The following HNF1A variants were observed in gnomAD, a reference collection of about 807,000 sequenced individuals.
The protein encoded by HNF1A is hepatocyte nuclear factor 1-alpha.
HNF1A carries 21 observed loss-of-function variants against 62.2 expected under a neutral mutation model. The ratio of observed to expected loss-of-function variants is 0.34; its 90% CI spans 0.24 to 0.49. HNF1A has a LOEUF of 0.49. Among genes scored for constraint, HNF1A ranks in the 20% least tolerant of loss-of-function variants. The pLI is 0.99. For synonymous variants in HNF1A, 374 were observed against 366.8 expected (o/e 1.02, Z -0.22); for missense variants, 687 against 832.3 (o/e 0.83, Z 2.15).
At chr12:120,994,428 G>C (rs202219857) in intron 4 of HNF1A, 23 bp downstream of exon 4, 1 of 1,574,276 alleles carries the variant, frequency 6.4e-7, no homozygotes, top group Non-Finnish European at 8.6e-7. Context: ...TGGGGACAAG[G>C]GACACGTGGG....
chr12:121,001,060 T>C lies in HNF1A; in HGVS notation c.1769-5T>C, dbSNP rs776261019. On this transcript the variant is annotated splice_region_variant and splice_polypyrimidine_tract_variant and intron_variant, in intron 9 of 9. Coordinates refer to ENST00000257555, the MANE Select transcript of HNF1A (RefSeq NM_000545.8). ...GGTGGCTAGCAGCCTTGTTTGCCTC[T>C]GCAGTGTCCTCCAGCAGCCTGGTGC... 1.9e-6 allele frequency: 3 copies of C among 1,613,148 alleles called. No homozygotes were observed. The Admixed American group carries it at 5.0e-5, about 27-fold the overall frequency.
chr12:120,982,141 C>T (rs1277395696), intron 1 of HNF1A, among the ~76,000 whole-genome samples: 1 of 152,182 alleles, frequency 6.6e-6, no homozygotes, highest in Non-Finnish European at 1.5e-5. Flanking sequence ...GCGATCTCGG[C>T]TCACTGCAAG....
rs762757333 is a variant in HNF1A at position 120,996,639 on chromosome 12, C to T, written c.1206C>T (p.Asn402=). 69 of 1,613,966 alleles carry T rather than the reference C, an allele frequency of 4.3e-5. 2 individuals carry two copies. In the South Asian group the frequency reaches 7.2e-4, roughly 17 times the overall value. Reference sequence around the variant, plus strand: ...CAGGCCTCAACCAGCAGCCCCAGAACCTCATCATGGCCTCACTTCCTGGGG... The same window carrying T: ...CAGGCCTCAACCAGCAGCCCCAGAATCTCATCATGGCCTCACTTCCTGGGG... ...TSPGLNQQPQ[N]LIMASLPGVM... The change falls in exon 6 of 10, where the codon AAC becomes AAT. Residue 402 remains asparagine, a synonymous_variant. Transcript: ENST00000257555. This position sits in a 1 kb window ranked among gnomAD's most constrained non-coding sequence, Gnocchi z 4.5.
intron 6 of HNF1A, chr12:120,997,086 T>C (rs1419569279): frequency 7.8e-6 from 11 of 1,407,512 alleles, no homozygotes; most frequent in Non-Finnish European, 1.0e-5. Flanking sequence ...CAGAAAGCCC[T>C]TATTTGCAGG....
At position 120,978,984 on chromosome 12, in the gene HNF1A, C is replaced by A; in HGVS notation, c.216C>A (p.Asp72Glu). The A allele has an allele frequency of 6.2e-7, 1 of 1,608,028 alleles. No individual in the cohort carries two copies. The highest frequency in any genetic ancestry group is 8.5e-7 in the Non-Finnish European group (1 of 1,177,434). ...TGGGGGAGACTCGGGGCTCCGAGGA[C>A]GAGACGGACGACGATGGGGAAGACT... is the stretch of plus-strand genomic sequence containing the variant. ...NGLGETRGSE[D>E]ETDDDGEDFT... Residue 72 changes from aspartate to glutamate, a missense_variant, in exon 1 of 10, where the codon GAC becomes GAA. Around this residue, in one of 5 missense-constraint regions of HNF1A, gnomAD observed 159 missense variants for 154.4 expected, o/e 1.03. Coordinates refer to ENST00000257555, the MANE Select transcript of HNF1A (RefSeq NM_000545.8).
At position 120,997,642 on chromosome 12, in the gene HNF1A, T is replaced by C. The variant is rs1002380887; in HGVS notation, c.1478T>C (p.Met493Thr). 2.5e-6 allele frequency: 4 copies of C among 1,612,588 alleles called. No individual in the cohort carries two copies. Among genetic ancestry groups the C allele is most frequent in the African/African-American group, 2.7e-5 (2 of 75,046 alleles). ...ACCCAGAGCCCCTTCATGGCCACCA[T>C]GGCTCAGCTGCAGAGCCCCCACGGT... Reference protein sequence around the residue: ...HVTQSPFMATMAQLQSPHALY... With the variant: ...HVTQSPFMATTAQLQSPHALY... Residue 493 changes from methionine to threonine, a missense_variant, in exon 7 of 10, where the codon ATG becomes ACG. This residue lies in a region of HNF1A where 408 missense variants were observed against 455.3 expected (regional missense o/e 0.90). Transcript: ENST00000257555.
intron 9 of HNF1A, chr12:121,000,728 A>C: frequency 2.6e-6 from 1 of 386,882 alleles, no homozygotes; most frequent in Non-Finnish European, 5.0e-6. Flanking sequence ...CATTAACCAC[A>C]TCTACAAAGC....
intron 2 of HNF1A, 52 bp from the exon 3 acceptor site, chr12:120,993,468 G>T (rs1050611920): frequency 3.8e-6 from 6 of 1,569,872 alleles, no homozygotes; most frequent in Non-Finnish European, 5.3e-6. Flanking sequence ...GGGAATGGAC[G>T]TGGGAAGGTG....
intron 2 of HNF1A, among the ~76,000 whole-genome samples, chr12:120,992,554 A>T (rs923756277): frequency 3.3e-5 from 5 of 152,218 alleles, no homozygotes; most frequent in Non-Finnish European, 5.9e-5. Flanking sequence ...GAAGTCTAAC[A>T]TAAAAAGTGC....
chr12:120,993,718 G>C lies in HNF1A; in HGVS notation c.713+12G>C, dbSNP rs575473918. 6.2e-7 allele frequency: 1 copy of C among 1,613,224 alleles called. No homozygotes were observed. The highest frequency in any genetic ancestry group is 1.1e-5 in the South Asian group (1 of 91,008). ...GAGGAGTGCAATAGGTACAACGGCG[G>C]GCGGGAAACAGTGCTGGTTTGGTCT... is the stretch of plus-strand genomic sequence containing the variant. On this transcript the variant is annotated intron_variant, in intron 3 of 9. Coordinates refer to ENST00000257555, the MANE Select transcript of HNF1A (RefSeq NM_000545.8).
chr12:120,994,416 T>C lies in HNF1A; in HGVS notation c.955+11T>C. 1 of 1,583,574 alleles carries C rather than the reference T, an allele frequency of 6.3e-7. No individual in the cohort carries two copies. Among genetic ancestry groups the C allele is most frequent in the Non-Finnish European group, 8.6e-7 (1 of 1,163,448 alleles). ...CCAGTAAGGTCCACGGTAAGTGGTA[T>C]GTGGGGACAAGGGACACGTGGGAAG... is the stretch of plus-strand genomic sequence containing the variant. On this transcript the variant is annotated intron_variant, in intron 4 of 9. Coordinates refer to ENST00000257555, the MANE Select transcript of HNF1A (RefSeq NM_000545.8).
intron 6 of HNF1A, chr12:120,997,005 T>G: frequency 6.6e-7 from 1 of 1,518,716 alleles, no homozygotes; most frequent in East Asian, 2.6e-5. Flanking sequence ...GAAGGGTCTA[T>G]GGGCAAATTA....
At chr12:120,992,659 G>A (rs554692858) in intron 2 of HNF1A, among the ~76,000 whole-genome samples, 1 of 152,302 alleles carries the variant, frequency 6.6e-6, no homozygotes, top group South Asian at 2.1e-4. Flanking sequence ...GCCTGGTGTG[G>A]TTGTACCCAC....
rs1239096128 is a variant in HNF1A, at chr12:121,001,658, A to G, written c.*466A>G. On this transcript the variant is annotated 3_prime_UTR_variant, in exon 10 of 10. Coordinates refer to ENST00000257555, the MANE Select transcript of HNF1A (RefSeq NM_000545.8). ...TCAGCGTGGCCTTGTTCTGTCACCA[A>G]TGTACCCACCGGGCCACTCCTTCCT... The G allele has an allele frequency of 6.6e-6, 3 of 456,788 alleles. No homozygotes were observed. Among genetic ancestry groups the G allele is most frequent in the African/African-American group, 3.9e-5 (2 of 51,294 alleles). The allele number at this position is 456,788 out of a possible 1,614,324, so 28.3% of individuals were successfully genotyped here.
chr12:120,995,161 T>G (rs557936231), intron 4 of HNF1A, among the ~76,000 whole-genome samples: 1 of 148,380 alleles, frequency 6.7e-6, no homozygotes, highest in African/African-American at 2.5e-5. Flanking sequence ...CTCCATCCAC[T>G]CCATACCTGG....
chr12:120,999,038 C>T (rs1416282149), intron 7 of HNF1A, among the ~76,000 whole-genome samples: 1 of 152,208 alleles, frequency 6.6e-6, no homozygotes, highest in Admixed American at 6.5e-5. Context: ...GGTTTCTGGC[C>T]TCCTCCAGGC....
intron 6 of HNF1A, 30 bp from the exon 7 acceptor site, chr12:120,997,444 C>T (rs1205564054): frequency 5.1e-6 from 8 of 1,579,814 alleles, no homozygotes; most frequent in Non-Finnish European, 6.9e-6. Context: ...AACTGGGGGG[C>T]CCAGCTGATT....
chr12:120,991,881 T>C (rs2135837110), intron 2 of HNF1A, among the ~76,000 whole-genome samples: 1 of 152,310 alleles, frequency 6.6e-6, no homozygotes, highest in Middle Eastern at 3.4e-3. Context: ...AGACGAAATT[T>C]TACAATATTC....
intron 1 of HNF1A, among the ~76,000 whole-genome samples, chr12:120,988,515 TTG>T (rs962374429): frequency 6.6e-6 from 1 of 152,234 alleles, no homozygotes; most frequent in Non-Finnish European, 1.5e-5. Context: ...TTCATCTGTG[TTG>T]TGTGTCTGTG....
Sources: gnomAD v4.1 joint callset for allele counts (sites outside exome capture counted in the v4.1 genomes callset) on GRCh38, gnomAD v4.1.1 for gene constraint, gnomAD v4.1.1 regional missense constraint, Gnocchi (gnomAD v3.1) non-coding constraint, MANE v1.5 for transcripts, NCBI Gene and HGNC (gene_info 2026-07-23, HGNC 2026-07-21) for gene names.